Variants in NAV2 observed in about 807,000 individuals in gnomAD.
NAV2 encodes the protein neuron navigator 2, also known as helicase, APC down-regulated 1.
NAV2 carries 54 observed loss-of-function variants against 223.2 expected under a neutral mutation model. The observed-to-expected ratio is 0.24, with a 90% confidence interval of 0.19 to 0.30. The LOEUF is 0.30. Among genes scored for constraint, NAV2 ranks in the 10% least tolerant of loss-of-function variants. NAV2 has a pLI of 1.00. For synonymous variants in NAV2, 1,279 were observed against 1,239.3 expected, an observed-to-expected ratio of 1.03 and a Z score of -0.67; for missense variants, 2,806 against 3,147.5, an observed-to-expected ratio of 0.89 and a Z score of 2.60.
chr11:19,458,840 A>ATGGCTGT (rs1376320702), intron 1 of NAV2, among the ~76,000 whole-genome samples: 5 of 152,244 alleles, frequency 3.3e-5, no homozygotes, highest in African/African-American at 1.2e-4. Flanking sequence ...GCAGTCCTTC[A>ATGGCTGT]TGGCTGTTGA....
chr11:19,881,548 G>T (rs2063204980), intron 5 of NAV2, among the ~76,000 whole-genome samples: 1 of 152,168 alleles, frequency 6.6e-6, no homozygotes, highest in African/African-American at 2.4e-5. Context: ...GGGTTAAATT[G>T]CTATATGGCT....
chr11:19,772,073 C>T (rs1032742624), intron 1 of NAV2, among the ~76,000 whole-genome samples: 15 of 152,142 alleles, frequency 9.9e-5, no homozygotes, highest in African/African-American at 3.4e-4. Flanking sequence ...TTCTTAAATT[C>T]GACTCTGAAG....
At chr11:20,024,728 C>T (rs994246105) in intron 11 of NAV2, among the ~76,000 whole-genome samples, 1 of 152,174 alleles carries the variant, frequency 6.6e-6, no homozygotes, top group Non-Finnish European at 1.5e-5. Context: ...CCCTTGGCTG[C>T]CCTGGGGCAA....
At chr11:19,909,223 C>G (rs751455720) in intron 6 of NAV2, among the ~76,000 whole-genome samples, 1 of 152,052 alleles carries the variant, frequency 6.6e-6, no homozygotes, top group Non-Finnish European at 1.5e-5. Context: ...TCCTCCTTTC[C>G]CTGTATATAT....
intron 1 of NAV2, among the ~76,000 whole-genome samples, chr11:19,747,641 G>T (rs1272788378): frequency 1.3e-5 from 2 of 152,220 alleles, no homozygotes; most frequent in Non-Finnish European, 2.9e-5. Context: ...TGCCCTTGCA[G>T]GGGAGGCAAA....
chr11:19,977,976 G>T (rs950101747), intron 10 of NAV2, among the ~76,000 whole-genome samples: 5 of 93,098 alleles, frequency 5.4e-5, no homozygotes, highest in African/African-American at 1.5e-4. Context: ...AGCTCATTTT[G>T]TTTTTTTTTG....
intron 1 of NAV2, among the ~76,000 whole-genome samples, chr11:19,561,469 C>T (rs951052870): frequency 2.0e-5 from 3 of 152,146 alleles, no homozygotes; most frequent in Admixed American, 6.5e-5. Flanking sequence ...ATAGCAAAGG[C>T]CACTTGAACT....
intron 1 of NAV2, among the ~76,000 whole-genome samples, chr11:19,467,018 CAGAG>C (rs61354519): frequency 0.024 from 1,998 of 82,340 alleles, 36 homozygotes; most frequent in African/African-American, 0.07. Flanking sequence ...CACACACACA[CAGAG>C]AGAGAGAGAG....
chr11:20,020,777 G>A (rs1399650315), intron 11 of NAV2, among the ~76,000 whole-genome samples: 1 of 152,088 alleles, frequency 6.6e-6, no homozygotes, highest in Non-Finnish European at 1.5e-5. Context: ...CTCTCCCTCA[G>A]AGTAAAAGAC....
intron 1 of NAV2, among the ~76,000 whole-genome samples, chr11:19,685,353 C>T (rs2048993690): frequency 6.6e-6 from 1 of 152,124 alleles, no homozygotes; most frequent in South Asian, 2.1e-4. Context: ...CTTCCAGACC[C>T]CAGCAGTAGG....
chr11:19,771,504 C>G (rs191497127), intron 1 of NAV2, among the ~76,000 whole-genome samples: 90 of 152,158 alleles, frequency 5.9e-4, no homozygotes, highest in African/African-American at 1.8e-3. Context: ...ACATGACCTA[C>G]TCCAGAGGAG....
At chr11:20,073,030 G>A (rs965652453) in intron 22 of NAV2, among the ~76,000 whole-genome samples, 1 of 152,184 alleles carries the variant, frequency 6.6e-6, no homozygotes, top group Non-Finnish European at 1.5e-5. Context: ...CAAAGGGAAT[G>A]CTTCCAGTCT....
chr11:20,048,550 T>C (rs868066236), intron 14 of NAV2, among the ~76,000 whole-genome samples, 178 bp from the exon 15 acceptor site: 2 of 152,202 alleles, frequency 1.3e-5, no homozygotes, highest in Non-Finnish European at 2.9e-5. Context: ...GATGCACTAG[T>C]GTCTAGGCCC....
At position 20,062,359 on chromosome 11, in the gene NAV2, A is replaced by C. The variant is rs148627074; in HGVS notation, c.4884A>C (p.Thr1628=). 3,973 of 1,609,562 alleles carry C rather than the reference A, an allele frequency of 2.5e-3. 40 individuals carry two copies. Among genetic ancestry groups the C allele is most frequent in the Non-Finnish European group, 1.7e-3 (1,989 of 1,177,036 alleles). The change falls in exon 20 of 38, where the codon ACA becomes ACC. Residue 1628 remains threonine (T), a splice_region_variant and synonymous_variant. Transcript: ENST00000349880. ...LVSSTSSVYS[T]PEEKCQSEIR... is the part of the protein sequence containing the mutation. ...CCAGCACATCGTCAGTTTATTCTAC[A>C]GTGAGTATAAATCAATGCTGTGTGG...
intron 1 of NAV2, among the ~76,000 whole-genome samples, chr11:19,786,150 A>G (rs983570001): frequency 2.7e-4 from 41 of 152,246 alleles, no homozygotes; most frequent in African/African-American, 9.9e-4. Flanking sequence ...ATTAATGTAC[A>G]ATTGAAATAG....
chr11:19,889,701 A>G (rs1215723895), intron 5 of NAV2, among the ~76,000 whole-genome samples: 2 of 152,198 alleles, frequency 1.3e-5, no homozygotes, highest in Non-Finnish European at 2.9e-5. Context: ...ATGACAACCC[A>G]AGGAAAACCC....
At chr11:19,837,257 A>C (rs79148531) in intron 2 of NAV2, among the ~76,000 whole-genome samples, 5,143 of 152,248 alleles carry the variant, frequency 0.034, 272 homozygotes, top group African/African-American at 0.12. Flanking sequence ...TTAAAAATAG[A>C]TATATCAATG....
intron 1 of NAV2, among the ~76,000 whole-genome samples, chr11:19,575,950 A>G (rs531406043): frequency 1.3e-5 from 2 of 152,160 alleles, no homozygotes; most frequent in Admixed American, 1.3e-4. Flanking sequence ...TACGGTGTGG[A>G]CTCTAATAGA....
In NAV2 at chr11:19,684,990, G is replaced by A. The variant is rs145678193; in HGVS notation, c.76-147494G>A. 1.3e-3 allele frequency among the ~76,000 whole-genome samples: 201 copies of A among 152,302 alleles called. 1 individual carries two copies. Among genetic ancestry groups the A allele is most frequent in the African/African-American group, 4.7e-3 (194 of 41,566 alleles). On this transcript the variant is annotated intron_variant, in intron 1 of 37. Transcript: ENST00000360655. ...TCACTCCATAAAAGCACATGGTCAG[G>A]CAGGGCTAGGACCTGGAAATCCTTC...
Sources: allele counts gnomAD v4.1 joint callset (sites outside exome capture counted in the v4.1 genomes callset), GRCh38; gene constraint gnomAD v4.1.1; transcripts MANE v1.5; gene names NCBI Gene and HGNC (gene_info 2026-07-23, HGNC 2026-07-21).